The following TFDP2 variants were observed in gnomAD, a reference collection of about 807,000 sequenced individuals.
The protein encoded by TFDP2 is transcription factor Dp-2 (E2F dimerization partner 2).
A neutral mutation model predicts 59.3 loss-of-function variants in TFDP2; 17 were observed. That is an observed-to-expected ratio of 0.29 (90% CI 0.20 to 0.43). The LOEUF is 0.43. Among genes scored for constraint, TFDP2 ranks in the 20% least tolerant of loss-of-function variants. The pLI is 1.00. For missense variants in TFDP2, 391 were observed against 528.8 expected, an observed-to-expected ratio of 0.74 and a Z score of 2.56; for synonymous variants, 180 against 194.7, an observed-to-expected ratio of 0.92 and a Z score of 0.63.
intron 6 of TFDP2, among the ~76,000 whole-genome samples, chr3:141,980,980 T>A (rs1941426725): frequency 6.6e-6 from 1 of 152,212 alleles, no homozygotes. Flanking sequence ...AATAAATTAC[T>A]GTAGCCTAAG....
At chr3:142,029,347 T>G (rs1946310473) in intron 3 of TFDP2, among the ~76,000 whole-genome samples, 1 of 152,062 alleles carries the variant, frequency 6.6e-6, no homozygotes, top group Non-Finnish European at 1.5e-5. Flanking sequence ...GTTGTGCTTT[T>G]TTTTTTTTTC....
intron 3 of TFDP2, among the ~76,000 whole-genome samples, chr3:142,072,494 T>C (rs1003925757): frequency 6.6e-6 from 1 of 152,204 alleles, no homozygotes; most frequent in Admixed American, 6.5e-5. Flanking sequence ...AATGAGCTCA[T>C]TTAGCACTGA....
chr3:142,023,851 C>T lies in TFDP2; in HGVS notation c.83-18307G>A, dbSNP rs547117610. Among the ~76,000 whole-genome samples the T allele has an allele frequency of 8.8e-4, 133 of 151,884 alleles. 1 individual carries two copies. The highest frequency in any genetic ancestry group is 3.2e-3 in the African/African-American group (131 of 41,416). The stretch of plus-strand genomic sequence containing the variant: ...CAGGGTCTTGCTCTGTTGCCTAGGC[C>T]GGAGTGCAGTGGCATGATCTCCACT... On this transcript the variant is annotated intron_variant, in intron 3 of 12. Transcript: ENST00000489671.
At chr3:141,983,913 A>G (rs1337575818) in intron 6 of TFDP2, among the ~76,000 whole-genome samples, 1 of 152,226 alleles carries the variant, frequency 6.6e-6, no homozygotes, top group Non-Finnish European at 1.5e-5. Context: ...AATTTCTCAA[A>G]AAAAGTAAAC....
intron 2 of TFDP2, among the ~76,000 whole-genome samples, chr3:142,096,085 T>C (rs1004887797): frequency 1.3e-5 from 2 of 152,186 alleles, no homozygotes; most frequent in Non-Finnish European, 2.9e-5. Flanking sequence ...CCAACGAATG[T>C]GGAAACTTTT....
At chr3:141,973,464 G>C (rs1940151847) in intron 8 of TFDP2, among the ~76,000 whole-genome samples, 1 of 152,030 alleles carries the variant, frequency 6.6e-6, no homozygotes, top group Non-Finnish European at 1.5e-5. Context: ...AGTATGTCAG[G>C]GAACATGCTC....
chr3:141,996,781 T>C (rs944968483), intron 4 of TFDP2, among the ~76,000 whole-genome samples: 8 of 152,238 alleles, frequency 5.3e-5, no homozygotes, highest in Admixed American at 4.6e-4. Context: ...AGTCTGTTTA[T>C]GTTTGACTAT....
chr3:142,072,296 T>C (rs913988936), intron 3 of TFDP2, among the ~76,000 whole-genome samples: 2 of 152,210 alleles, frequency 1.3e-5, no homozygotes, highest in Admixed American at 6.5e-5. Flanking sequence ...TTTAGAAAGA[T>C]CAACTTGCTC....
chr3:142,041,491 G>C (rs929694359), intron 3 of TFDP2, among the ~76,000 whole-genome samples: 3 of 152,162 alleles, frequency 2.0e-5, no homozygotes, highest in Non-Finnish European at 4.4e-5. Flanking sequence ...CTCTGCACAC[G>C]CTCTCTTGCC....
chr3:142,142,492 GA>G (rs1477189198), intron 1 of TFDP2, among the ~76,000 whole-genome samples: 1 of 152,212 alleles, frequency 6.6e-6, no homozygotes, highest in Non-Finnish European at 1.5e-5. Context: ...TTCATGGATT[GA>G]AAGAATCAAT....
chr3:142,111,989 C>T (rs2061681928), intron 1 of TFDP2, among the ~76,000 whole-genome samples: 1 of 151,946 alleles, frequency 6.6e-6, no homozygotes, highest in Admixed American at 6.6e-5. Context: ...TCACTTGAAC[C>T]CAGGAGGCAG....
intron 3 of TFDP2, among the ~76,000 whole-genome samples, chr3:142,085,286 G>A (rs2060775775): frequency 6.8e-6 from 1 of 147,834 alleles, no homozygotes; most frequent in South Asian, 2.1e-4. Flanking sequence ...AAGGACAAAT[G>A]CTTGAGGGGA....
intron 3 of TFDP2, among the ~76,000 whole-genome samples, chr3:142,082,736 A>T (rs2060680507): frequency 6.6e-6 from 1 of 152,226 alleles, no homozygotes; most frequent in South Asian, 2.1e-4. Context: ...CAATCAATGT[A>T]ATATATCATT....
At chr3:142,079,302 C>CAAAAACA (rs1043641593) in intron 3 of TFDP2, among the ~76,000 whole-genome samples, 2 of 151,266 alleles carry the variant, frequency 1.3e-5, no homozygotes, top group African/African-American at 2.4e-5. Context: ...GACTCCATCT[C>CAAAAACA]AAAAACAAAA....
At chr3:142,064,950 TATTGA>T (rs1240608700) in intron 3 of TFDP2, among the ~76,000 whole-genome samples, 1 of 152,234 alleles carries the variant, frequency 6.6e-6, no homozygotes, top group Non-Finnish European at 1.5e-5. Flanking sequence ...AGGTAGTTCT[TATTGA>T]ATTGTAGTAT....
In TFDP2 at chr3:142,073,204, G is replaced by C. The variant is rs941869564; in HGVS notation, c.82+19857C>G. Among the ~76,000 whole-genome samples the C allele has an allele frequency of 9.9e-5, 15 of 152,132 alleles. 1 individual carries two copies. On this transcript the variant is annotated intron_variant, in intron 3 of 12. Transcript: ENST00000489671. Reference sequence around the variant, plus strand: ...CCCGCCTCAGCCTCCTGAGTAGCTAGGAGTACAGGTATGTGCCACCATGCC... The same window carrying C: ...CCCGCCTCAGCCTCCTGAGTAGCTACGAGTACAGGTATGTGCCACCATGCC...
chr3:142,048,113 T>C (rs1947438027), intron 3 of TFDP2, among the ~76,000 whole-genome samples: 1 of 151,998 alleles, frequency 6.6e-6, no homozygotes, highest in African/African-American at 2.4e-5. Context: ...CCAATTAGCA[T>C]AAAGAGGTGC....
In TFDP2 at chr3:142,070,485, T is replaced by A. The variant is rs557138576; in HGVS notation, c.82+22576A>T. ...TTGTAGAGGCAATGCCTCCCTGTGC[T>A]GCCCAAGCTGGTCTTGAACTTTGGG... is the stretch of plus-strand genomic sequence containing the variant. On this transcript the variant is annotated intron_variant, in intron 3 of 12. Transcript: ENST00000489671. Among the ~76,000 whole-genome samples, 3 of 152,266 alleles carry A rather than the reference T, an allele frequency of 2.0e-5. No homozygotes were observed. The East Asian group carries it at 5.8e-4, about 29-fold the overall frequency.
At chr3:142,041,033 A>C (rs1317396774) in intron 3 of TFDP2, among the ~76,000 whole-genome samples, 1 of 152,198 alleles carries the variant, frequency 6.6e-6, no homozygotes, top group African/African-American at 2.4e-5. Flanking sequence ...TGTCTCCTTC[A>C]GCTGTAATAA....
Sources: allele counts gnomAD v4.1 joint callset (sites outside exome capture counted in the v4.1 genomes callset), GRCh38; gene constraint gnomAD v4.1.1; transcripts MANE v1.5; gene names NCBI Gene and HGNC (gene_info 2026-07-23, HGNC 2026-07-21).